Variants in AKR1A1 observed in about 807,000 individuals in gnomAD.
AKR1A1 encodes the protein HEL-S-165mP.
AKR1A1 carries 26 observed loss-of-function variants against 39.2 expected under a neutral mutation model. That is an observed-to-expected ratio of 0.66 (90% CI 0.49 to 0.92). AKR1A1 has a LOEUF of 0.92. Among genes scored for constraint, AKR1A1 ranks in the 40% least tolerant of loss-of-function variants. The pLI is 0.00. For synonymous variants in AKR1A1, 141 were observed against 155.5 expected, an observed-to-expected ratio of 0.91 and a Z score of 0.69; for missense variants, 378 against 406.5, an observed-to-expected ratio of 0.93 and a Z score of 0.60.
At chr1:45,558,126 C>G (rs560582091) in intron 1 of AKR1A1, among the ~76,000 whole-genome samples, 1 of 151,750 alleles carries the variant, frequency 6.6e-6, no homozygotes, top group South Asian at 2.1e-4. Flanking sequence ...CCAGGCTGGT[C>G]TCGAACTCCT....
rs576990802 is a variant in AKR1A1 at position 45,566,395 on chromosome 1, T to C, written c.85-174T>C. Among the ~76,000 whole-genome samples the C allele has an allele frequency of 2.0e-5, 3 of 152,330 alleles. No individual in the cohort carries two copies. In the East Asian group the frequency reaches 5.8e-4, roughly 29 times the overall value. ...TGCCCACCTCAGCCTCCCAAAGTGC[T>C]GGGATTACAGGCGTGAGCCACCGCG... On this transcript the variant is annotated intron_variant, in intron 2 of 8. Coordinates refer to ENST00000351829, the MANE Select transcript of AKR1A1 (RefSeq NM_153326.3).
At chr1:45,555,361 C>G (rs975900473) in intron 1 of AKR1A1, among the ~76,000 whole-genome samples, 10 of 152,098 alleles carry the variant, frequency 6.6e-5, no homozygotes, top group Non-Finnish European at 1.2e-4. Context: ...GTGGCGCATG[C>G]CTGTAATCCC....
chr1:45,564,942 CCT>C (rs1198857248), intron 2 of AKR1A1, among the ~76,000 whole-genome samples: 1 of 151,546 alleles, frequency 6.6e-6, no homozygotes. Flanking sequence ...CCTGCCTCAG[CCT>C]CCTGAGTAGC....
chr1:45,557,912 C>CATTTTTTTTTTT (rs1644226314), intron 1 of AKR1A1, among the ~76,000 whole-genome samples: 1 of 112,218 alleles, frequency 8.9e-6, no homozygotes, highest in African/African-American at 3.5e-5. Flanking sequence ...CACAACTTGT[C>CATTTTTTTTTTT]TTTTTTTTTT....
chr1:45,567,216 G>A, intron 4 of AKR1A1, 196 bp downstream of exon 4: 1 of 700,960 alleles, frequency 1.4e-6, no homozygotes, highest in East Asian at 2.8e-5. Flanking sequence ...TCTGGAAAAA[G>A]GAAGGCAGTC....
At chr1:45,553,370 C>T (rs1175419166) in intron 1 of AKR1A1, among the ~76,000 whole-genome samples, 4 of 150,956 alleles carry the variant, frequency 2.6e-5, no homozygotes, top group South Asian at 2.1e-4. Context: ...TGTAGTGAGC[C>T]GAGATCACAC....
At chr1:45,558,969 T>G (rs185062224) in intron 1 of AKR1A1, among the ~76,000 whole-genome samples, 1 of 152,360 alleles carries the variant, frequency 6.6e-6, no homozygotes, top group Non-Finnish European at 1.5e-5. Context: ...GGGAAAAGGT[T>G]GTATCTACCT....
At chr1:45,557,912 C>CTTTTTTATTTT (rs1644226488) in intron 1 of AKR1A1, among the ~76,000 whole-genome samples, 1 of 112,218 alleles carries the variant, frequency 8.9e-6, no homozygotes, top group African/African-American at 3.5e-5. Context: ...CACAACTTGT[C>CTTTTTTATTTT]TTTTTTTTTT....
At chr1:45,569,636 A>G (rs1229774467) in intron 8 of AKR1A1, among the ~76,000 whole-genome samples, 2 of 152,138 alleles carry the variant, frequency 1.3e-5, no homozygotes, top group Non-Finnish European at 1.5e-5. Context: ...AGGGAAATAA[A>G]TGGTTCCTGG....
chr1:45,551,468 T>TCGG (rs2148286270), intron 1 of AKR1A1, among the ~76,000 whole-genome samples: 1 of 152,364 alleles, frequency 6.6e-6, no homozygotes, highest in Admixed American at 6.5e-5. Context: ...TTTTGTTTGC[T>TCGG]CACCTATGTG....
At chr1:45,563,686 G>A (rs1240020415) in intron 2 of AKR1A1, among the ~76,000 whole-genome samples, 3 of 152,146 alleles carry the variant, frequency 2.0e-5, no homozygotes, top group African/African-American at 7.2e-5. Flanking sequence ...CTACTCAGGA[G>A]TCTGAGGCAG....
rs1332700655 is a variant in AKR1A1, at chr1:45,569,208, A to C, written c.891A>C (p.Arg297Ser). 2 of 1,614,012 alleles carry C rather than the reference A, an allele frequency of 1.2e-6. No homozygotes were observed. Residue 297 changes from arginine (R) to serine (S), a missense_variant, in exon 8 of 9, where the codon AGA (arginine) becomes AGC (serine). By Grantham distance (110) the Arg-to-Ser change is moderately radical. Coordinates refer to ENST00000351829, the MANE Select transcript of AKR1A1 (RefSeq NM_153326.3). ...TAAATGCCCTGAACAAAAATTGGAG[A>C]TATATTGTGCCTATGCTTACGGTGA... The part of the protein sequence containing the change: ...KQLNALNKNW[R>S]YIVPMLTVDG...
chr1:45,569,249 C>A lies in AKR1A1; in HGVS notation c.912+20C>A, dbSNP rs1438292289. 1.2e-6 allele frequency: 2 copies of A among 1,601,286 alleles called. No individual in the cohort carries two copies. Among genetic ancestry groups the A allele is most frequent in the Non-Finnish European group, 1.7e-6 (2 of 1,168,430 alleles). On this transcript the variant is annotated intron_variant, in intron 8 of 8. Coordinates refer to ENST00000351829, the MANE Select transcript of AKR1A1 (RefSeq NM_153326.3). The stretch of plus-strand genomic sequence containing the variant: ...CTTACGGTGAGGATGTATCAGCCTC[C>A]TAGACTTGGGGAATGTGAGATTTGG...
chr1:45,567,942 G>GCATTTGTGT (rs1444844120), intron 4 of AKR1A1, 40 bp from the exon 5 acceptor site: 1 of 1,557,660 alleles, frequency 6.4e-7, no homozygotes, highest in Non-Finnish European at 8.7e-7. Flanking sequence ...TAGAAGCCTG[G>GCATTTGTGT]CATTTGTGTC....
chr1:45,554,833 G>C (rs1644179477), intron 1 of AKR1A1, among the ~76,000 whole-genome samples: 1 of 152,194 alleles, frequency 6.6e-6, no homozygotes, highest in South Asian at 2.1e-4. Context: ...TAGGACCATA[G>C]AGACACATCA....
At chr1:45,566,809 G>T in intron 3 of AKR1A1, 60 bp from the exon 4 acceptor site, 2 of 1,599,016 alleles carry the variant, frequency 1.3e-6, no homozygotes, top group Non-Finnish European at 1.7e-6. Context: ...CCAGAGTTGA[G>T]GGTGGGTGAG....
At chr1:45,561,568 T>A (rs940110295) in intron 1 of AKR1A1, among the ~76,000 whole-genome samples, 7 of 152,138 alleles carry the variant, frequency 4.6e-5, no homozygotes, top group Non-Finnish European at 1.0e-4. Context: ...CATGCCTAGA[T>A]AATTTTTGTA....
intron 1 of AKR1A1, among the ~76,000 whole-genome samples, chr1:45,551,940 C>T (rs1371320221): frequency 6.6e-6 from 1 of 151,964 alleles, no homozygotes; most frequent in African/African-American, 2.4e-5. Flanking sequence ...AGATCTCTCC[C>T]CCATAAGCTG....
chr1:45,568,013 G>C lies in AKR1A1; in HGVS notation c.388G>C (p.Asp130His). ...RGDNPFPKNA[D>H]GTICYDSTHY... ...AGACAACCCCTTCCCCAAGAATGCT[G>C]ATGGGACTATATGCTACGACTCCAC... Residue 130 changes from aspartate (D) to histidine (H), a missense_variant, in exon 5 of 9, where the codon GAT (aspartate) becomes CAT (histidine). Transcript: ENST00000351829. 1 of 1,613,926 alleles carries C rather than the reference G, an allele frequency of 6.2e-7. No individual in the cohort carries two copies. The highest frequency in any genetic ancestry group is 1.1e-5 in the South Asian group (1 of 91,058).
Sources: allele counts gnomAD v4.1 joint callset (sites outside exome capture counted in the v4.1 genomes callset), GRCh38; gene constraint gnomAD v4.1.1; transcripts MANE v1.5; gene names NCBI Gene and HGNC (gene_info 2026-07-23, HGNC 2026-07-21).